The following PCDH7 variants were observed in gnomAD, a reference collection of about 807,000 sequenced individuals.
PCDH7 encodes the protein protocadherin-7.
A neutral mutation model predicts 58.9 loss-of-function variants in PCDH7; 17 were observed. That is an observed-to-expected ratio of 0.29 (90% CI 0.20 to 0.43). The LOEUF (loss-of-function observed/expected upper bound fraction) is 0.43. PCDH7 is among the 20% of genes least tolerant of loss of function. PCDH7 has a pLI of 1.00. For synonymous variants in PCDH7, 664 were observed against 616.4 expected, an observed-to-expected ratio of 1.08 and a Z score of -1.14; for missense variants, 1,274 against 1,441.0, an observed-to-expected ratio of 0.88 and a Z score of 1.88.
intron 1 of PCDH7, among the ~76,000 whole-genome samples, chr4:30,752,988 C>A (rs1213883326): frequency 1.3e-5 from 2 of 152,002 alleles, no homozygotes; most frequent in Non-Finnish European, 2.9e-5. Context: ...AGCATTTGAA[C>A]TTGGTGTCAT....
At chr4:30,815,563 G>C (rs1221430549) in intron 1 of PCDH7, among the ~76,000 whole-genome samples, 1 of 152,176 alleles carries the variant, frequency 6.6e-6, no homozygotes, top group African/African-American at 2.4e-5. Context: ...CCTGTGGCCT[G>C]CCAGCTTTGG....
chr4:30,859,602 G>A (rs1468028625), intron 1 of PCDH7, among the ~76,000 whole-genome samples: 3 of 151,842 alleles, frequency 2.0e-5, no homozygotes, highest in African/African-American at 7.3e-5. Flanking sequence ...ACAACGCCCA[G>A]CTAATTTTTG....
intron 1 of PCDH7, among the ~76,000 whole-genome samples, chr4:30,745,509 T>C (rs756764777): frequency 1.1e-4 from 16 of 152,154 alleles, no homozygotes; most frequent in Non-Finnish European, 2.2e-4. Flanking sequence ...GTTATATTTC[T>C]ATTCATGGAG....
intron 1 of PCDH7, among the ~76,000 whole-genome samples, chr4:30,771,570 A>T (rs900710216): frequency 6.6e-6 from 1 of 152,196 alleles, no homozygotes; most frequent in Non-Finnish European, 1.5e-5. Context: ...CTGCTCACAG[A>T]AAAGAAAAGT....
At chr4:30,801,887 T>C (rs562045439) in intron 1 of PCDH7, among the ~76,000 whole-genome samples, 2 of 152,190 alleles carry the variant, frequency 1.3e-5, no homozygotes, top group Non-Finnish European at 2.9e-5. Context: ...ATGCTCACTA[T>C]TTAGATTCCA....
chr4:30,884,526 C>T (rs957725122), intron 1 of PCDH7: 5 of 152,054 alleles, frequency 3.3e-5, no homozygotes, highest in East Asian at 3.9e-4. Context: ...GCTGTCTGTC[C>T]GATGGTAATA....
chr4:30,727,136 A>G (rs1201308347), intron 1 of PCDH7, among the ~76,000 whole-genome samples: 1 of 151,928 alleles, frequency 6.6e-6, no homozygotes, highest in African/African-American at 2.4e-5. Context: ...TCCATACAGC[A>G]GGGTCTAATT....
intron 3 of PCDH7, among the ~76,000 whole-genome samples, chr4:31,099,465 G>T (rs773256236): frequency 2.6e-5 from 4 of 152,154 alleles, no homozygotes; most frequent in African/African-American, 4.8e-5. Context: ...AATACTGCAT[G>T]CAAGATTCAT....
intron 3 of PCDH7, among the ~76,000 whole-genome samples, chr4:30,967,233 A>G (rs1049757361): frequency 2.6e-5 from 4 of 152,256 alleles, no homozygotes; most frequent in African/African-American, 7.2e-5. Context: ...AGTCATAAAC[A>G]CAATTGATTT....
intron 3 of PCDH7, among the ~76,000 whole-genome samples, chr4:31,138,820 C>T (rs1719918244): frequency 6.6e-6 from 1 of 151,730 alleles, no homozygotes; most frequent in Non-Finnish European, 1.5e-5. Context: ...TGAAACAATA[C>T]AAAAATTAGC....
At chr4:31,109,643 T>C (rs938164965) in intron 3 of PCDH7, among the ~76,000 whole-genome samples, 2 of 152,248 alleles carry the variant, frequency 1.3e-5, no homozygotes, top group African/African-American at 4.8e-5. Flanking sequence ...CGTGTACTTC[T>C]CACAAGTATA....
At chr4:31,127,958 T>G (rs527545084) in intron 3 of PCDH7, among the ~76,000 whole-genome samples, 2 of 151,858 alleles carry the variant, frequency 1.3e-5, no homozygotes, top group South Asian at 4.1e-4. Context: ...AAATAAGAAA[T>G]TCATTTTTCA....
At chr4:30,998,893 C>T (rs550509602) in intron 3 of PCDH7, among the ~76,000 whole-genome samples, 1 of 152,200 alleles carries the variant, frequency 6.6e-6, no homozygotes, top group African/African-American at 2.4e-5. Context: ...AGGAAGCTGT[C>T]ATTGGAATGG....
At chr4:31,030,598 G>T (rs1228968265) in intron 3 of PCDH7, among the ~76,000 whole-genome samples, 1 of 151,940 alleles carries the variant, frequency 6.6e-6, no homozygotes, top group African/African-American at 2.4e-5. Flanking sequence ...AAAACAAGTA[G>T]AAAAAAAGAC....
intron 1 of PCDH7, among the ~76,000 whole-genome samples, chr4:30,777,314 C>T (rs1290269438): frequency 1.3e-5 from 2 of 152,002 alleles, no homozygotes; most frequent in Admixed American, 6.6e-5. Context: ...CATGTTTTGA[C>T]GCCAAGAATA....
chr4:31,023,771 G>A (rs1754212343), intron 3 of PCDH7, among the ~76,000 whole-genome samples: 1 of 152,072 alleles, frequency 6.6e-6, no homozygotes, highest in African/African-American at 2.4e-5. Context: ...TAGGCTACAG[G>A]ATTTCTCTAC....
At position 30,926,546 on chromosome 4, in the gene PCDH7, C is replaced by A. The variant is rs539219539; in HGVS notation, c.287+6177C>A. ...CATGAGGACTTCATAAAATGCTCAGCCTCACAAATTTAGCATTTTTAAATT... is the reference window on the plus strand; with the variant it reads ...CATGAGGACTTCATAAAATGCTCAGACTCACAAATTTAGCATTTTTAAATT... On this transcript the variant is annotated intron_variant, in intron 2 of 3. Transcript: ENST00000509759. Among the ~76,000 whole-genome samples, 8 of 152,272 alleles carry A rather than the reference C, an allele frequency of 5.3e-5. No homozygotes were observed. In the East Asian group the frequency reaches 1.5e-3, roughly 29 times the overall value.
chr4:30,970,700 A>G (rs61792873), intron 3 of PCDH7, among the ~76,000 whole-genome samples: 13,988 of 152,210 alleles, frequency 0.092, 956 homozygotes, highest in East Asian at 0.28. Context: ...ATTACTTCTA[A>G]GCAATCAACA....
rs564505841 is a variant in PCDH7, at chr4:31,113,459, A to G, written c.*8-29014A>G. ...ACCAGAATATAAAAGATCCTCATGT[A>G]GGACATGTTGGTAATATTTCCTCCT... On this transcript the variant is annotated intron_variant, in intron 3 of 3. Coordinates refer to the PCDH7 transcript ENST00000509759. Among the ~76,000 whole-genome samples the G allele has an allele frequency of 2.2e-4, 33 of 152,328 alleles. No homozygotes were observed. In the South Asian group the frequency reaches 6.2e-3, roughly 29 times the overall value.
Sources: allele counts gnomAD v4.1 joint callset (sites outside exome capture counted in the v4.1 genomes callset), GRCh38; gene constraint gnomAD v4.1.1; transcripts MANE v1.5; gene names NCBI Gene and HGNC (gene_info 2026-07-23, HGNC 2026-07-21).